EMSY: variants seen among roughly 807,000 people sequenced by gnomAD.
EMSY encodes EMSY transcriptional repressor, BRCA2 interacting.
Under a neutral mutation model 134.6 loss-of-function variants are expected in EMSY, and 26 were observed. That is an observed-to-expected ratio of 0.19 (90% CI 0.14 to 0.27). The LOEUF (loss-of-function observed/expected upper bound fraction) is 0.27. EMSY is among the 10% of genes least tolerant of loss of function. The pLI is 1.00. For synonymous variants in EMSY, 579 were observed against 577.8 expected, an observed-to-expected ratio of 1.00 and a Z score of -0.03; for missense variants, 1,305 against 1,611.4, an observed-to-expected ratio of 0.81 and a Z score of 3.26.
intron 7 of EMSY, among the ~76,000 whole-genome samples, chr11:76,472,330 T>C (rs1948605162): frequency 6.6e-6 from 1 of 152,248 alleles, no homozygotes; most frequent in Non-Finnish European, 1.5e-5. Flanking sequence ...CTGTATCTTA[T>C]ACAGCGTTGA....
At chr11:76,459,729 A>G in intron 5 of EMSY, 1 of 516,388 alleles carries the variant, frequency 1.9e-6, no homozygotes. Context: ...CAAGCTGTTA[A>G]ATACTTGGGA....
chr11:76,515,649 T>C (rs1950426715), intron 10 of EMSY, among the ~76,000 whole-genome samples: 1 of 152,138 alleles, frequency 6.6e-6, no homozygotes, highest in African/African-American at 2.4e-5. Flanking sequence ...ATTTAGAGGG[T>C]AGCAGAGTAC....
intron 8 of EMSY, among the ~76,000 whole-genome samples, chr11:76,479,336 G>C (rs1357605418): frequency 6.6e-6 from 1 of 152,094 alleles, no homozygotes; most frequent in Non-Finnish European, 1.5e-5. Flanking sequence ...GCGTTCCCAA[G>C]GGAAAAAAGA....
intron 20 of EMSY, among the ~76,000 whole-genome samples, chr11:76,546,802 G>A (rs982805785): frequency 6.6e-6 from 1 of 152,184 alleles, no homozygotes; most frequent in African/African-American, 2.4e-5. Context: ...GCAATGTCTG[G>A]AGAGACATGT....
At chr11:76,486,571 A>T (rs905013380) in intron 8 of EMSY, among the ~76,000 whole-genome samples, 2 of 152,062 alleles carry the variant, frequency 1.3e-5, no homozygotes, top group African/African-American at 2.4e-5. Flanking sequence ...CTGGCCTGGG[A>T]CTATGTTTAG....
intron 18 of EMSY, among the ~76,000 whole-genome samples, chr11:76,543,275 G>A (rs191357007): frequency 6.6e-6 from 1 of 152,342 alleles, no homozygotes; most frequent in African/African-American, 2.4e-5. Context: ...GGAGAATGTT[G>A]AATTGAAAGC....
intron 16 of EMSY, 120 bp from the exon 18 acceptor site, chr11:76,539,479 A>C: frequency 1.1e-6 from 1 of 926,784 alleles, no homozygotes; most frequent in Non-Finnish European, 1.7e-6. Context: ...TTTAGCAGAA[A>C]GCTAATTCAA....
intron 14 of EMSY, among the ~76,000 whole-genome samples, chr11:76,530,999 C>T (rs1276417468): frequency 6.6e-6 from 1 of 152,156 alleles, no homozygotes; most frequent in African/African-American, 2.4e-5. Context: ...TGTGTATACT[C>T]TTTACCTAGA....
intron 2 of EMSY, among the ~76,000 whole-genome samples, chr11:76,447,322 A>G (rs1947459567): frequency 6.6e-6 from 1 of 152,202 alleles, no homozygotes; most frequent in South Asian, 2.1e-4. Context: ...CCTAAAAGGT[A>G]GGTGTTTTTT....
chr11:76,516,048 A>C, intron 10 of EMSY, 94 bp from the exon 12 acceptor site: 1 of 1,097,012 alleles, frequency 9.1e-7, no homozygotes. Flanking sequence ...AGTTATAGCA[A>C]TGTAGATTAT....
At chr11:76,506,975 G>T (rs750459438) in intron 9 of EMSY, among the ~76,000 whole-genome samples, 7 of 152,126 alleles carry the variant, frequency 4.6e-5, no homozygotes, top group African/African-American at 1.2e-4. Flanking sequence ...CGATTCTGGC[G>T]TACTTTATAG....
intron 19 of EMSY, 98 bp from the exon 21 acceptor site, chr11:76,545,699 G>C (rs1951619962): frequency 1.5e-6 from 2 of 1,374,264 alleles, no homozygotes. Context: ...TCCTAGTATA[G>C]CGCACGAATG....
intron 7 of EMSY, among the ~76,000 whole-genome samples, chr11:76,468,234 A>G (rs1310734842): frequency 6.6e-6 from 1 of 152,036 alleles, no homozygotes; most frequent in Non-Finnish European, 1.5e-5. Flanking sequence ...GGATGTTTGA[A>G]AGAGGGCATA....
At chr11:76,550,801 G>A (rs1230412871) in exon 21 of EMSY, 2 of 152,236 alleles carry the variant, frequency 1.3e-5, no homozygotes, top group African/African-American at 4.8e-5. Context: ...CAGCACACTT[G>A]CCTTCTATTT....
At chr11:76,459,171 G>C (rs1426181584) in intron 5 of EMSY, 3 of 152,170 alleles carry the variant, frequency 2.0e-5, no homozygotes, top group African/African-American at 4.8e-5. Flanking sequence ...AAAGAATACA[G>C]AGTTTCCACT....
intron 9 of EMSY, among the ~76,000 whole-genome samples, chr11:76,506,482 G>A (rs1950081053): frequency 6.6e-6 from 1 of 152,128 alleles, no homozygotes; most frequent in African/African-American, 2.4e-5. Flanking sequence ...ATCATGAAAT[G>A]CACAGAATAC....
At chr11:76,513,913 A>G (rs1371748416) in intron 10 of EMSY, among the ~76,000 whole-genome samples, 1 of 152,160 alleles carries the variant, frequency 6.6e-6, no homozygotes, top group Non-Finnish European at 1.5e-5. Context: ...TGCTGAATGA[A>G]TTAAAACAGT....
chr11:76,487,359 A>G (rs559500115), intron 8 of EMSY, among the ~76,000 whole-genome samples: 2 of 152,306 alleles, frequency 1.3e-5, no homozygotes, highest in South Asian at 4.1e-4. Flanking sequence ...TAATCAAAAC[A>G]CAATATCATA....
At chr11:76,546,399 CAGG>C (rs879476465) in intron 20 of EMSY, 102 bp downstream of exon 21, 1 of 1,415,998 alleles carries the variant, frequency 7.1e-7, no homozygotes, top group Non-Finnish European at 9.5e-7. Flanking sequence ...GCCAAGACAG[CAGG>C]AAGACATAGA....
Sources: allele counts gnomAD v4.1 joint callset (sites outside exome capture counted in the v4.1 genomes callset), GRCh38; gene constraint gnomAD v4.1.1; transcripts MANE v1.5; gene names NCBI Gene and HGNC (gene_info 2026-07-23, HGNC 2026-07-21).